LBR: variants seen among roughly 807,000 people sequenced by gnomAD.
The protein encoded by LBR is delta(14)-sterol reductase LBR.
LBR carries 28 observed loss-of-function variants against 74.3 expected under a neutral mutation model. That is an observed-to-expected ratio of 0.38 (90% CI 0.28 to 0.52). The LOEUF (loss-of-function observed/expected upper bound fraction) is 0.52. LBR is among the 20% of genes least tolerant of loss of function. LBR has a pLI of 0.89. For missense variants in LBR, 717 were observed against 760.3 expected, an observed-to-expected ratio of 0.94 and a Z score of 0.67; for synonymous variants, 228 against 269.3, an observed-to-expected ratio of 0.85 and a Z score of 1.50.
intron 8 of LBR, 119 bp from the exon 9 acceptor site, chr1:225,411,559 G>A: frequency 6.4e-6 from 5 of 775,756 alleles, no homozygotes; most frequent in Non-Finnish European, 9.2e-6. Context: ...CCCTGAGCAG[G>A]GCTCTGGTGG....
intron 6 of LBR, 118 bp from the exon 7 acceptor site, chr1:225,415,450 G>C (rs2096115317): frequency 1.6e-6 from 1 of 633,034 alleles, no homozygotes; most frequent in Non-Finnish European, 2.8e-6. Context: ...CAAGAAGGAA[G>C]ATATCTTGTA....
upstream of LBR, among the ~76,000 whole-genome samples, chr1:225,428,549 C>T (rs1251463523): frequency 1.3e-5 from 2 of 152,178 alleles, no homozygotes; most frequent in African/African-American, 4.8e-5. Flanking sequence ...GTGTTAAAAT[C>T]CCACAGAAGC....
chr1:225,419,380 C>T lies in LBR; in HGVS notation c.523G>A (p.Val175Ile), dbSNP rs1368849417. 6.2e-7 allele frequency: 1 copy of T among 1,613,980 alleles called. No individual in the cohort carries two copies. The highest frequency in any genetic ancestry group is 1.1e-5 in the South Asian group (1 of 91,068). ...QYSLRPRREEVKLKEIDSKEE... is the reference protein window; with the variant it reads ...QYSLRPRREEIKLKEIDSKEE... ...TTAGAATCTATTTCTTTTAATTTGACTTCTTCTCTTCTTGGACGAAGGCTA... is the reference window on the plus strand; with the variant it reads ...TTAGAATCTATTTCTTTTAATTTGATTTCTTCTCTTCTTGGACGAAGGCTA... The change falls in exon 5 of 14, where the codon GTC (valine) becomes ATC (isoleucine). Residue 175 changes from valine to isoleucine, a missense_variant. By Grantham distance (29) the Val-to-Ile change is conservative (BLOSUM62 3). Coordinates refer to ENST00000272163, the MANE Select transcript of LBR (RefSeq NM_002296.4).
chr1:225,411,892 C>A (rs920514725), intron 8 of LBR, among the ~76,000 whole-genome samples: 1 of 152,258 alleles, frequency 6.6e-6, no homozygotes, highest in Non-Finnish European at 1.5e-5. Context: ...TCACTGCAAC[C>A]TCCGCCTCCC....
Position 225,402,168 on chromosome 1 carries a change from GACAGC to G in LBR, c.*1130_*1134del, listed in dbSNP as rs2096082969. On this transcript the variant is annotated 3_prime_UTR_variant, in exon 14 of 14. Transcript: ENST00000272163. ...CTTTAACCCCTTCAGTTGTTTTTAAGACAGCACTCCTTTACAGGGAGTCAGGTTTG... is the reference window on the plus strand; with the variant it reads ...CTTTAACCCCTTCAGTTGTTTTTAAGACTCCTTTACAGGGAGTCAGGTTTG... The G allele has an allele frequency of 6.6e-6, 1 of 152,160 alleles. No homozygotes were observed. The highest frequency in any genetic ancestry group is 1.9e-4 in the East Asian group (1 of 5,200). 9.4% of individuals were successfully genotyped at this position (152,160 alleles called of 1,614,324 possible). A position where few individuals can be genotyped will look rare whatever the true frequency, so the allele number is the denominator to read the frequency against.
intron 6 of LBR, among the ~76,000 whole-genome samples, chr1:225,416,879 A>G (rs951114246): frequency 2.0e-5 from 3 of 152,186 alleles, no homozygotes; most frequent in African/African-American, 7.2e-5. Context: ...CACAGGTTAT[A>G]TGCAAATACT....
chr1:225,403,594 A>T, intron 13 of LBR, 131 bp from the exon 14 acceptor site: 1 of 716,378 alleles, frequency 1.4e-6, no homozygotes, highest in Non-Finnish European at 2.3e-6. Context: ...TGATGAGAAT[A>T]ATTAAACAAG....
chr1:225,405,374 T>C (rs1300398486), intron 11 of LBR, among the ~76,000 whole-genome samples: 1 of 152,244 alleles, frequency 6.6e-6, no homozygotes, highest in East Asian at 1.9e-4. Flanking sequence ...TTCTCCAAAG[T>C]TCACGTGTTG....
chr1:225,404,486 T>C lies in LBR; in HGVS notation c.1605A>G (p.Leu535=). The change falls in exon 13 of 14, where the codon CTA becomes CTG. Residue 535 remains leucine (L), a synonymous_variant. Coordinates refer to ENST00000272163, the MANE Select transcript of LBR (RefSeq NM_002296.4). ...TIHTSTGKNL[L]VSGWWGFVRH... ...GAACAAAGCCCCACCATCCAGAAAC[T>C]AGAAGATTTTTTCCCGTTGAAGTAT... is the stretch of plus-strand genomic sequence containing the variant. 2 of 1,613,760 alleles carry C rather than the reference T, an allele frequency of 1.2e-6. No individual in the cohort carries two copies. The highest frequency in any genetic ancestry group is 1.7e-6 in the Non-Finnish European group (2 of 1,179,690).
rs567950087 is a variant in LBR at position 225,415,162 on chromosome 1, A to G, written c.892+116T>C. ...GGTATAAACAGTTGCTCTTCCAACT[A>G]CTAAGAAATAATTTATCACTTACTA... On this transcript the variant is annotated intron_variant, in intron 7 of 13. Coordinates refer to ENST00000272163, the MANE Select transcript of LBR (RefSeq NM_002296.4). The G allele has an allele frequency of 1.4e-5, 10 of 712,846 alleles. No individual in the cohort carries two copies. The East Asian group carries it at 2.8e-4, about 20-fold the overall frequency. 44.2% of individuals were successfully genotyped at this position (712,846 alleles called of 1,614,324 possible).
chr1:225,410,191 T>C, intron 10 of LBR, 100 bp downstream of exon 10: 3 of 1,572,150 alleles, frequency 1.9e-6, no homozygotes, highest in Non-Finnish European at 2.6e-6. Context: ...AGGCAGGCCA[T>C]GCTCCCCTCA....
chr1:225,410,260 C>G, intron 10 of LBR, 31 bp downstream of exon 10: 1 of 1,613,084 alleles, frequency 6.2e-7, no homozygotes, highest in Non-Finnish European at 8.5e-7. Flanking sequence ...AGCCATCTGA[C>G]TCCAAGGCCT....
chr1:225,406,562 G>A, intron 11 of LBR, 102 bp downstream of exon 11: 1 of 1,028,648 alleles, frequency 9.7e-7, no homozygotes, highest in East Asian at 2.4e-5. Flanking sequence ...AGCTAATGCT[G>A]GCCATTCAAA....
chr1:225,404,557 A>G (rs750800544), intron 12 of LBR, 31 bp from the exon 13 acceptor site: 1 of 1,573,820 alleles, frequency 6.4e-7, no homozygotes, highest in South Asian at 1.1e-5. Context: ...ATTTTTAATG[A>G]TGTCGAGACA....
intron 3 of LBR, 137 bp downstream of exon 3, chr1:225,421,940 T>C: frequency 1.3e-6 from 1 of 793,720 alleles, no homozygotes; most frequent in Admixed American, 2.5e-5. Context: ...AACATTTGTT[T>C]TATATGAAAA....
In LBR at chr1:225,404,690, G is replaced by A; in HGVS notation, c.1500C>T (p.Ile500=). 6.2e-7 allele frequency: 1 copy of A among 1,609,906 alleles called. No homozygotes were observed. The highest frequency in any genetic ancestry group is 8.5e-7 in the Non-Finnish European group (1 of 1,177,772). ...IIVLKLCGYV[I]FRGANSQKNA... is the part of the protein sequence containing the mutation. ...TTTTCTGAGAATTTGCACCTCGGAA[G>A]ATTACATAACCACAAACTGCAATTT... The change falls in exon 12 of 14, where the codon ATC becomes ATT. Residue 500 remains isoleucine (I), a synonymous_variant. Transcript: ENST00000272163.
chr1:225,408,807 T>C (rs112670158), intron 10 of LBR, among the ~76,000 whole-genome samples: 4,621 of 152,288 alleles, frequency 0.03, 102 homozygotes, highest in Middle Eastern at 0.051. Context: ...ATGCAAAAAA[T>C]TTTCTTTTAA....
chr1:225,422,406 A>G, intron 2 of LBR, 129 bp from the exon 3 acceptor site: 1 of 769,592 alleles, frequency 1.3e-6, no homozygotes, highest in Non-Finnish European at 2.2e-6. Context: ...GGGAAATGTT[A>G]GGATCTGAGA....
chr1:225,410,469 A>T, intron 9 of LBR, 53 bp from the exon 10 acceptor site: 1 of 1,590,078 alleles, frequency 6.3e-7, no homozygotes, highest in Non-Finnish European at 8.6e-7. Context: ...CAGAGACCTT[A>T]GCACTACAAA....
Sources: allele counts gnomAD v4.1 joint callset (sites outside exome capture counted in the v4.1 genomes callset), GRCh38; gene constraint gnomAD v4.1.1; transcripts MANE v1.5; gene names NCBI Gene and HGNC (gene_info 2026-07-23, HGNC 2026-07-21).